Variants in RANBP2 observed in about 807,000 individuals in gnomAD.
The protein encoded by RANBP2 is E3 SUMO-protein ligase RanBP2.
Under a neutral mutation model 303.6 loss-of-function variants are expected in RANBP2, and 57 were observed. That is an observed-to-expected ratio of 0.19 (90% CI 0.15 to 0.23). RANBP2 has a LOEUF of 0.23. RANBP2 is among the 10% of genes least tolerant of loss of function. The pLI is 1.00. For missense variants in RANBP2, 3,138 were observed against 3,780.8 expected, an observed-to-expected ratio of 0.83 and a Z score of 4.46; for synonymous variants, 1,167 against 1,301.5, an observed-to-expected ratio of 0.90 and a Z score of 2.23.
At chr2:108,731,498 A>C in intron 4 of RANBP2, 24 bp downstream of exon 4, 1 of 1,610,882 alleles carries the variant, frequency 6.2e-7, no homozygotes, top group Non-Finnish European at 8.5e-7. Flanking sequence ...ACATAAAGGG[A>C]GAAAACTTAA....
the RANBP2 span, among the ~76,000 whole-genome samples, chr2:108,932,453 C>T: frequency 1.4e-5 from 2 of 142,756 alleles, no homozygotes; most frequent in East Asian, 2.1e-4. Context: ...GGCATGAACC[C>T]GGGAGGCGGA....
At chr2:108,983,642 G>C in the RANBP2 span, among the ~76,000 whole-genome samples, 1 of 152,162 alleles carries the variant, frequency 6.6e-6, no homozygotes, top group African/African-American at 2.4e-5. Flanking sequence ...CCTCCAGACT[G>C]ACTTCCCTCC....
the RANBP2 span, among the ~76,000 whole-genome samples, chr2:109,112,781 T>G: frequency 1.3e-5 from 2 of 152,260 alleles, no homozygotes; most frequent in African/African-American, 4.8e-5. Flanking sequence ...AATATTTAAG[T>G]CTTTAATCCA....
the RANBP2 span, among the ~76,000 whole-genome samples, chr2:109,547,677 A>AT: frequency 6.6e-6 from 1 of 152,180 alleles, no homozygotes; most frequent in Non-Finnish European, 1.5e-5. Context: ...TAGAAGGCAT[A>AT]TTTCTCAAAG....
At position 108,763,416 on chromosome 2, in the gene RANBP2, T is replaced by A. The variant is rs748613121; in HGVS notation, c.2877T>A (p.Asp959Glu). ...CGGGAATTCTATCGCCCAGGGGTGA[T>A]GATTACTTTAATTACAATGTTCAAC... ...PATGILSPRG[D>E]DYFNYNVQQT... The change falls in exon 20 of 29, where the codon GAT (aspartate) becomes GAA (glutamate). Residue 959 changes from aspartate to glutamate, a missense_variant. Transcript: ENST00000283195. 8 of 1,614,010 alleles carry A rather than the reference T, an allele frequency of 5.0e-6. No homozygotes were observed. Among genetic ancestry groups the A allele is most frequent in the Non-Finnish European group, 6.8e-6 (8 of 1,179,966 alleles).
the RANBP2 span, among the ~76,000 whole-genome samples, chr2:109,073,168 C>A: frequency 2.0e-5 from 3 of 151,996 alleles, no homozygotes; most frequent in Non-Finnish European, 4.4e-5. Flanking sequence ...GTCAGGAGAG[C>A]AATGCATGAA....
chr2:109,329,198 C>T, the RANBP2 span, among the ~76,000 whole-genome samples: 2 of 152,150 alleles, frequency 1.3e-5, no homozygotes, highest in Non-Finnish European at 2.9e-5. Flanking sequence ...TGTGCTCAGC[C>T]TTCTCCTGGT....
chr2:109,321,179 C>T, the RANBP2 span, among the ~76,000 whole-genome samples: 1 of 152,372 alleles, frequency 6.6e-6, no homozygotes, highest in South Asian at 2.1e-4. Context: ...TTCTTTGCAG[C>T]TCTTCACATT....
At chr2:109,555,817 CTTCTT>C in the RANBP2 span, among the ~76,000 whole-genome samples, 1 of 152,204 alleles carries the variant, frequency 6.6e-6, no homozygotes, top group Non-Finnish European at 1.5e-5. Context: ...AGGACGCTCT[CTTCTT>C]CTTCCCCTGG....
chr2:109,458,116 C>A, the RANBP2 span, among the ~76,000 whole-genome samples: 1 of 152,216 alleles, frequency 6.6e-6, no homozygotes. Flanking sequence ...ATACCATCAT[C>A]TCCCTCTAGG....
chr2:109,282,647 G>T, the RANBP2 span, among the ~76,000 whole-genome samples: 8 of 152,210 alleles, frequency 5.3e-5, no homozygotes, highest in African/African-American at 1.9e-4. Context: ...AGACGTCCGG[G>T]CACCCTTGTT....
At chr2:109,674,032 T>C in the RANBP2 span, among the ~76,000 whole-genome samples, 1 of 152,164 alleles carries the variant, frequency 6.6e-6, no homozygotes, top group South Asian at 2.1e-4. Context: ...CCTGTTCAAG[T>C]CTTTCACCCA....
chr2:108,737,551 CT>C (rs61550954), intron 6 of RANBP2, among the ~76,000 whole-genome samples: 29,376 of 119,314 alleles, frequency 0.25, 3,098 homozygotes, highest in African/African-American at 0.32. Context: ...GTCTCAAGCT[CT>C]TTTTTTTTTT....
chr2:109,624,659 A>C, the RANBP2 span, among the ~76,000 whole-genome samples: 180 of 152,360 alleles, frequency 1.2e-3, 1 homozygote, highest in Non-Finnish European at 9.6e-4. Flanking sequence ...CACCCTGGTG[A>C]GTAATGTGGA....
At chr2:109,411,450 T>C in the RANBP2 span, among the ~76,000 whole-genome samples, 1 of 152,216 alleles carries the variant, frequency 6.6e-6, no homozygotes, top group African/African-American at 2.4e-5. Flanking sequence ...AGCGTGCTGC[T>C]GAGCCTGTCA....
At chr2:109,503,639 G>C in the RANBP2 span, 1 of 152,202 alleles carries the variant, frequency 6.6e-6, no homozygotes, top group South Asian at 2.1e-4. Context: ...AATTCACGTT[G>C]TCACCAAAGA....
chr2:109,441,578 C>T, the RANBP2 span, among the ~76,000 whole-genome samples: 71,990 of 152,036 alleles, frequency 0.47, 18,535 homozygotes, highest in Non-Finnish European at 0.55. Flanking sequence ...GCCTAATATA[C>T]GTGTAATTGG....
At chr2:108,928,426 G>A in the RANBP2 span, among the ~76,000 whole-genome samples, 24 of 152,108 alleles carry the variant, frequency 1.6e-4, no homozygotes, top group East Asian at 2.5e-3. Context: ...CACCTCCCCC[G>A]TCCCCACTGG....
the RANBP2 span, among the ~76,000 whole-genome samples, chr2:109,362,052 C>T: frequency 2.0e-5 from 3 of 151,630 alleles, no homozygotes; most frequent in African/African-American, 7.3e-5. Context: ...TGATTTTTCT[C>T]TATTGTTTTC....
Sources: allele counts gnomAD v4.1 joint callset (sites outside exome capture counted in the v4.1 genomes callset), GRCh38; gene constraint gnomAD v4.1.1; transcripts MANE v1.5; gene names NCBI Gene and HGNC (gene_info 2026-07-23, HGNC 2026-07-21).